P4HA3: variants seen among roughly 807,000 people sequenced by gnomAD.
P4HA3 encodes prolyl 4-hydroxylase subunit alpha-3.
In P4HA3, 60 loss-of-function variants were observed where a neutral mutation model predicts 66.7. The observed-to-expected ratio is 0.90, with a 90% CI of 0.73 to 1.12. The LOEUF is 1.12. Among genes scored for constraint, P4HA3 ranks in the 50% most tolerant of loss-of-function variants. The probability of loss-of-function intolerance (pLI) is 0.00; values close to 1 mark genes in which losing one functional copy is unlikely to be tolerated. For synonymous variants in P4HA3, 263 were observed against 274.6 expected (o/e 0.96, Z 0.42); for missense variants, 683 against 685.8 (o/e 1.00, Z 0.05).
At chr11:74,271,897 T>A (rs1267054195) in intron 10 of P4HA3, among the ~76,000 whole-genome samples, 1 of 152,168 alleles carries the variant, frequency 6.6e-6, no homozygotes, top group Non-Finnish European at 1.5e-5. Context: ...CTGATTCCCC[T>A]TTATGATACC....
chr11:74,300,988 A>C (rs1179477471), intron 3 of P4HA3, among the ~76,000 whole-genome samples: 1 of 152,212 alleles, frequency 6.6e-6, no homozygotes, highest in Non-Finnish European at 1.5e-5. Flanking sequence ...AATTCCACAG[A>C]TACAATGTGC....
In P4HA3 at chr11:74,268,161, C is replaced by T; in HGVS notation, c.1548G>A (p.Leu516=). ...AAGACTTACCCCACTTATCTCCCAC[C>T]AGGACAGGACAGCCAGCATGAAGTG... ...SDTLHAGCPV[L]VGDKWVANKW... Residue 516 remains leucine, a synonymous_variant, in exon 12 of 13, where the codon CTG becomes CTA. Transcript: ENST00000331597. 1.2e-6 allele frequency: 2 copies of T among 1,613,976 alleles called. No individual in the cohort carries two copies. Among genetic ancestry groups the T allele is most frequent in the Non-Finnish European group, 1.7e-6 (2 of 1,179,880 alleles).
rs1448959034 is a variant in P4HA3 at position 74,267,037 on chromosome 11, T to A, written c.*211A>T. 2 of 1,534,758 alleles carry A rather than the reference T, an allele frequency of 1.3e-6. No individual in the cohort carries two copies. The highest frequency in any genetic ancestry group is 1.7e-6 in the Non-Finnish European group (2 of 1,145,816). ...CCCTCCTTTGTACTGTGCATCCTAC[T>A]CTGACTTCCGTGGCTGGGGCAGATC... On this transcript the variant is annotated 3_prime_UTR_variant, in exon 13 of 13. Coordinates refer to ENST00000331597, the MANE Select transcript of P4HA3 (RefSeq NM_182904.5).
At chr11:74,256,813 A>G (rs536475292) in intron 15 of P4HA3, among the ~76,000 whole-genome samples, 1 of 152,320 alleles carries the variant, frequency 6.6e-6, no homozygotes. Flanking sequence ...GCAGATGTAG[A>G]TCTGATGGGG....
In P4HA3 at chr11:74,302,489, G is replaced by A. The variant is rs1861439313; in HGVS notation, c.447C>T (p.Leu149=). Reference sequence around the variant, plus strand: ...CACCTCGGGCCAGGCCTTTCACATTGAGCATGTACACGTCCTGCAGCCGCA... The same window carrying A: ...CACCTCGGGCCAGGCCTTTCACATTAAGCATGTACACGTCCTGCAGCCGCA... The part of the protein sequence containing the change: ...ALMRLQDVYM[L]NVKGLARGVF... The change falls in exon 3 of 13, where the codon CTC becomes CTT. Residue 149 remains leucine, a synonymous_variant. Coordinates refer to ENST00000331597, the MANE Select transcript of P4HA3 (RefSeq NM_182904.5). The A allele has an allele frequency of 6.2e-7, 1 of 1,614,168 alleles. No individual in the cohort carries two copies. Among genetic ancestry groups the A allele is most frequent in the Non-Finnish European group, 8.5e-7 (1 of 1,180,024 alleles).
chr11:74,284,785 G>T (rs887945131), intron 7 of P4HA3, among the ~76,000 whole-genome samples: 1 of 152,058 alleles, frequency 6.6e-6, no homozygotes, highest in Non-Finnish European at 1.5e-5. Context: ...GGCTCACATG[G>T]TAGTGGCTCC....
In P4HA3 at chr11:74,277,089, CAATGCGGT is replaced by C. The variant is rs1342324817; in HGVS notation, c.1223_1230del (p.His408ArgfsTer7). ...CGGACATCAAGGCCTGTGAGGGCAG[CAATGCGGT>C]GGTTGAGGGTCACCAGTTTTGGGTC... is the stretch of plus-strand genomic sequence containing the variant. On this transcript the variant is annotated frameshift_variant, in exon 9 of 13. Transcript: ENST00000331597. LOFTEE classifies it high-confidence loss of function. 1.9e-6 allele frequency: 3 copies of C among 1,613,954 alleles called. No homozygotes were observed. Among genetic ancestry groups the C allele is most frequent in the Non-Finnish European group, 2.5e-6 (3 of 1,180,006 alleles).
rs950796804 is a variant in P4HA3 at position 74,279,270 on chromosome 11, C to T, written c.1175+118G>A. The T allele has an allele frequency of 6.6e-5, 61 of 919,442 alleles. 1 individual carries two copies. The highest frequency in any genetic ancestry group is 3.6e-4 in the South Asian group (27 of 74,156). The allele number at this position is 919,442 out of a possible 1,614,324, so 57.0% of individuals were successfully genotyped here. The stretch of plus-strand genomic sequence containing the variant: ...CTTAAAAAGAATGTACAGCTATAAA[C>T]GTGAACTAGGGATTCTCCACCTCTG... On this transcript the variant is annotated intron_variant, in intron 8 of 12. Transcript: ENST00000331597.
At chr11:74,307,500 G>A (rs546238836) in intron 1 of P4HA3, among the ~76,000 whole-genome samples, 2 of 152,132 alleles carry the variant, frequency 1.3e-5, no homozygotes, top group Non-Finnish European at 2.9e-5. Flanking sequence ...ATTCAATCCA[G>A]TGTTTAGATA....
At chr11:74,287,415 A>G in intron 5 of P4HA3, 1 of 1,008,920 alleles carries the variant, frequency 9.9e-7, no homozygotes, top group Non-Finnish European at 1.4e-6. Flanking sequence ...AGCCGGAAAT[A>G]AAACTGGGAA....
chr11:74,267,444 A>C, intron 12 of P4HA3, 126 bp from the exon 13 acceptor site: 11 of 1,203,738 alleles, frequency 9.1e-6, no homozygotes, highest in Non-Finnish European at 1.1e-5. Flanking sequence ...TAGGTAACTC[A>C]CTTGCCCAGC....
chr11:74,265,447 CAG>C (rs970744092), downstream of P4HA3, among the ~76,000 whole-genome samples: 108 of 152,236 alleles, frequency 7.1e-4, no homozygotes, highest in African/African-American at 2.5e-3. Flanking sequence ...GGGGAAGGGG[CAG>C]AGACAGCAGG....
At chr11:74,269,555 TCCC>T in intron 11 of P4HA3, 94 bp downstream of exon 11, 1 of 1,320,550 alleles carries the variant, frequency 7.6e-7, no homozygotes, top group East Asian at 2.5e-5. Flanking sequence ...TTGGCCCTCC[TCCC>T]AGGAATGGGC....
At chr11:74,278,835 C>T (rs929146739) in intron 8 of P4HA3, among the ~76,000 whole-genome samples, 1 of 152,124 alleles carries the variant, frequency 6.6e-6, no homozygotes, top group Admixed American at 6.5e-5. Context: ...CTGGCCTCCC[C>T]CCAAGGATGC....
intron 8 of P4HA3, among the ~76,000 whole-genome samples, chr11:74,278,218 G>A (rs1044469984): frequency 2.0e-5 from 3 of 152,170 alleles, no homozygotes; most frequent in Admixed American, 6.5e-5. Context: ...TTCAATAGAT[G>A]GAAAAGATGT....
At chr11:74,255,877 G>C in intron 15 of P4HA3, 1 of 497,482 alleles carries the variant, frequency 2.0e-6, no homozygotes, top group Non-Finnish European at 4.0e-6. Context: ...CTCCCTAGTA[G>C]AGGAGAGAAG....
downstream of P4HA3, among the ~76,000 whole-genome samples, chr11:74,262,046 A>G (rs1859915475): frequency 6.6e-6 from 1 of 152,206 alleles, no homozygotes; most frequent in Non-Finnish European, 1.5e-5. Context: ...GATGAACAGG[A>G]GACATGGTGG....
At chr11:74,296,909 TAC>T (rs1861231847) in intron 4 of P4HA3, among the ~76,000 whole-genome samples, 2 of 151,194 alleles carry the variant, frequency 1.3e-5, no homozygotes, top group African/African-American at 4.9e-5. Context: ...GAAGAGCACA[TAC>T]ACAGTTTTTT....
intron 15 of P4HA3, chr11:74,250,679 T>A: frequency 2.6e-6 from 1 of 386,302 alleles, no homozygotes; most frequent in Non-Finnish European, 4.7e-6. Context: ...GGACTGTAAA[T>A]CCCCTGAGGA....
Sources: gnomAD v4.1 joint callset for allele counts (sites outside exome capture counted in the v4.1 genomes callset) on GRCh38, gnomAD v4.1.1 for gene constraint, MANE v1.5 for transcripts, NCBI Gene and HGNC (gene_info 2026-07-23, HGNC 2026-07-21) for gene names.